The following ACO2 variants were observed in gnomAD, a reference collection of about 807,000 sequenced individuals.
ACO2 encodes the protein aconitase 2, also known as aconitate hydratase, mitochondrial.
ACO2 carries 31 observed loss-of-function variants against 84.5 expected under a neutral mutation model. The ratio of observed to expected loss-of-function variants is 0.37; its 90% confidence interval spans 0.28 to 0.50. The LOEUF (loss-of-function observed/expected upper bound fraction) is 0.50, where lower values mean the gene tolerates loss of function less well. ACO2 is among the 20% of genes least tolerant of loss of function. ACO2 has a pLI of 0.97. For synonymous variants in ACO2, 414 were observed against 412.7 expected (o/e 1.00, Z -0.04); for missense variants, 685 against 1,029.3 (o/e 0.67, Z 4.58).
chr22:41,519,784 G>T (rs2066507668), intron 8 of ACO2, among the ~76,000 whole-genome samples: 1 of 149,950 alleles, frequency 6.7e-6, no homozygotes, highest in Admixed American at 6.7e-5. Flanking sequence ...CTCCAGCCTG[G>T]GCAGCAGAGC....
At chr22:41,483,348 C>T (rs1422778304) in intron 1 of ACO2, among the ~76,000 whole-genome samples, 1 of 152,162 alleles carries the variant, frequency 6.6e-6, no homozygotes, top group Non-Finnish European at 1.5e-5. Context: ...AAAAACAGAA[C>T]TCTGTAAAGT....
intron 15 of ACO2, 62 bp from the exon 16 acceptor site, chr22:41,527,226 G>A: frequency 6.2e-7 from 1 of 1,612,836 alleles, no homozygotes; most frequent in Non-Finnish European, 8.5e-7. Flanking sequence ...GGCAGGTAGG[G>A]CCAGACAGGT....
intron 6 of ACO2, chr22:41,516,253 A>AGGACAGAGGCAGTGGTGGGAAT (rs2066475451): frequency 3.5e-6 from 2 of 571,212 alleles, no homozygotes; most frequent in Non-Finnish European, 6.3e-6. Context: ...GAATCCAGAG[A>AGGACAGAGGCAGTGGTGGGAAT]GGACAGAGGC....
At position 41,477,215 on chromosome 22, in the gene ACO2, G is replaced by A. The variant is rs186183551; in HGVS notation, c.36+8033G>A. Among the ~76,000 whole-genome samples, 492 of 151,116 alleles carry A rather than the reference G, an allele frequency of 3.3e-3. 5 individuals carry two copies. Among genetic ancestry groups the A allele is most frequent in the African/African-American group, 0.011 (471 of 41,246 alleles). On this transcript the variant is annotated intron_variant, in intron 1 of 17. Coordinates refer to ENST00000216254, the MANE Select transcript of ACO2 (RefSeq NM_001098.3). ...GTCTCCCAGGCTGGAGTGCAGTGGC[G>A]CGATCTCCACTCAGTTCAAGCTCCG... is the stretch of plus-strand genomic sequence containing the variant.
chr22:41,527,825 G>A, intron 16 of ACO2, 76 bp from the exon 17 acceptor site: 16 of 1,608,442 alleles, frequency 9.9e-6, no homozygotes, highest in Middle Eastern at 1.7e-4. Context: ...ATCTCCCAGA[G>A]CCCCAGATGG....
In ACO2 at chr22:41,520,194, C is replaced by G; in HGVS notation, c.1056C>G (p.Pro352=). 6.2e-7 allele frequency: 1 copy of G among 1,613,812 alleles called. No homozygotes were observed. The highest frequency in any genetic ancestry group is 8.5e-7 in the Non-Finnish European group (1 of 1,179,818). The change falls in exon 9 of 18, where the codon CCC becomes CCG. Residue 352 remains proline (P), a synonymous_variant. Coordinates refer to ENST00000216254, the MANE Select transcript of ACO2 (RefSeq NM_001098.3). ...AGCTGAAGCCACACATCAATGGGCC[C>G]TTCACCCCTGACCTGGCTCACCCTG... The part of the protein sequence containing the change: ...LSELKPHING[P]FTPDLAHPVA...
chr22:41,525,991 C>A, intron 14 of ACO2: 1 of 398,866 alleles, frequency 2.5e-6, no homozygotes, highest in Non-Finnish European at 4.5e-6. Context: ...GGTGAGCGAA[C>A]ATTGACCTGT....
At chr22:41,507,747 C>A (rs757819166) in intron 2 of ACO2, 44 bp from the exon 3 acceptor site, 1 of 1,584,368 alleles carries the variant, frequency 6.3e-7, no homozygotes, top group Non-Finnish European at 8.6e-7. Context: ...GGGAGGAGGC[C>A]GTGCAGCTAG....
chr22:41,479,528 T>G (rs1476498258), intron 1 of ACO2, among the ~76,000 whole-genome samples: 1 of 152,132 alleles, frequency 6.6e-6, no homozygotes, highest in African/African-American at 2.4e-5. Context: ...CCAAACCGTT[T>G]CCCCAGAGGG....
chr22:41,488,012 A>G (rs1250407125), intron 1 of ACO2, among the ~76,000 whole-genome samples: 2 of 152,160 alleles, frequency 1.3e-5, no homozygotes, highest in Non-Finnish European at 2.9e-5. Context: ...ACTTGAACTC[A>G]AACATGATCT....
chr22:41,527,755 A>C lies in ACO2; in HGVS notation c.2087-146A>C, dbSNP rs1601937896. 8.9e-6 allele frequency: 12 copies of C among 1,346,766 alleles called. No individual in the cohort carries two copies. In the East Asian group the frequency reaches 2.8e-4, roughly 32 times the overall value. The allele number at this position is 1,346,766 out of a possible 1,614,324, so 83.4% of individuals were successfully genotyped here. The stretch of plus-strand genomic sequence containing the variant: ...GCTAGGGGCACCCCTAGTGAAAGGG[A>C]GCAGACCAGGGCCCCATAGTCACTG... On this transcript the variant is annotated intron_variant, in intron 16 of 17. Coordinates refer to ENST00000216254, the MANE Select transcript of ACO2 (RefSeq NM_001098.3).
intron 4 of ACO2, 22 bp downstream of exon 4, chr22:41,511,990 C>A: frequency 6.3e-7 from 1 of 1,589,064 alleles, no homozygotes; most frequent in Non-Finnish European, 8.6e-7. Context: ...CTCAGTCTGC[C>A]GTCCCAAGGG....
intron 1 of ACO2, among the ~76,000 whole-genome samples, chr22:41,472,236 C>T (rs1281553799): frequency 6.6e-6 from 1 of 151,944 alleles, no homozygotes; most frequent in African/African-American, 2.4e-5. Context: ...GCCTGTAGTC[C>T]CAGCTACTCG....
chr22:41,486,086 G>T (rs1211190703), intron 1 of ACO2, among the ~76,000 whole-genome samples: 1 of 152,118 alleles, frequency 6.6e-6, no homozygotes, highest in Non-Finnish European at 1.5e-5. Flanking sequence ...CTCATTCTCT[G>T]TGCTCCACTC....
At chr22:41,505,178 G>A (rs2066383942) in intron 2 of ACO2, among the ~76,000 whole-genome samples, 2 of 152,024 alleles carry the variant, frequency 1.3e-5, no homozygotes, top group Middle Eastern at 3.4e-3. Flanking sequence ...CAGCTCTTCG[G>A]GAAGATCATG....
chr22:41,527,964 A>G lies in ACO2; in HGVS notation c.2150A>G (p.Lys717Arg). 6.2e-7 allele frequency: 1 copy of G among 1,614,190 alleles called. No individual in the cohort carries two copies. The highest frequency in any genetic ancestry group is 8.5e-7 in the Non-Finnish European group (1 of 1,180,012). The change falls in exon 17 of 18, where the codon AAG becomes AGG. Residue 717 changes from lysine (K) to arginine (R), a missense_variant. Coordinates refer to ENST00000216254, the MANE Select transcript of ACO2 (RefSeq NM_001098.3). ...LTFADPADYN[K>R]IHPVDKLTIQ... The stretch of plus-strand genomic sequence containing the variant: ...TTCGCTGACCCGGCTGACTACAACA[A>G]GATTCACCCTGTGGACAAGCTGACC...
chr22:41,528,228 A>C, intron 17 of ACO2: 1 of 837,444 alleles, frequency 1.2e-6, no homozygotes, highest in Non-Finnish European at 1.8e-6. Flanking sequence ...CACCTCCCCA[A>C]CCTCCCTTTA....
In ACO2 at chr22:41,526,450, C is replaced by T. The variant is rs780679330; in HGVS notation, c.1950C>T (p.Tyr650=). ...FGPVPDTARY[Y]KKHGIRWVVI... ...CCGTCCCTGACACTGCCCGCTACTA[C>T]AAGGTGGGTCAGAGTTGATAGGGGC... Residue 650 remains tyrosine, a synonymous_variant, in exon 15 of 18, where the codon TAC becomes TAT. Transcript: ENST00000216254. The T allele has an allele frequency of 7.4e-6, 12 of 1,610,842 alleles. No individual in the cohort carries two copies. Among genetic ancestry groups the T allele is most frequent in the African/African-American group, 1.3e-5 (1 of 74,902 alleles).
intron 1 of ACO2, among the ~76,000 whole-genome samples, chr22:41,479,970 C>A (rs1360448473): frequency 6.6e-6 from 1 of 152,234 alleles, no homozygotes; most frequent in Admixed American, 6.5e-5. Flanking sequence ...AGACATGGCT[C>A]CTTGCTCCCT....
Sources: gnomAD v4.1 joint callset for allele counts (sites outside exome capture counted in the v4.1 genomes callset) on GRCh38, gnomAD v4.1.1 for gene constraint, MANE v1.5 for transcripts, NCBI Gene and HGNC (gene_info 2026-07-23, HGNC 2026-07-21) for gene names.